The following EBF1 variants were observed in gnomAD, a reference collection of about 807,000 sequenced individuals.
EBF1 encodes transcription factor COE1.
A neutral mutation model predicts 68.4 loss-of-function variants in EBF1; 10 were observed. The ratio of observed to expected loss-of-function variants is 0.15; its 90% CI spans 0.09 to 0.25. The LOEUF (loss-of-function observed/expected upper bound fraction) is 0.25, where lower values mean the gene tolerates loss of function less well. EBF1 is among the 10% of genes least tolerant of loss of function. EBF1 has a pLI of 1.00. For synonymous variants in EBF1, 298 were observed against 299.8 expected, an observed-to-expected ratio of 0.99 and a Z score of 0.06; for missense variants, 509 against 794.4, an observed-to-expected ratio of 0.64 and a Z score of 4.32.
At chr5:158,969,919 A>AGAAAGAAAGAAAGAAAG (rs199980397) in intron 6 of EBF1, among the ~76,000 whole-genome samples, 1,322 of 60,164 alleles carry the variant, frequency 0.022, 49 homozygotes, top group Non-Finnish European at 0.033. Context: ...AAAGAAAGAA[A>AGAAAGAAAGAAAGAAAG]AAAAAAAAAA....
chr5:159,050,150 C>CTT (rs1437422836), intron 6 of EBF1, among the ~76,000 whole-genome samples: 1 of 118,526 alleles, frequency 8.4e-6, no homozygotes, highest in Non-Finnish European at 1.8e-5. Context: ...GTTCGTTTCT[C>CTT]TTTCTCTCTC....
chr5:158,807,652 AACTAAT>A (rs1781835386), intron 8 of EBF1, among the ~76,000 whole-genome samples: 1 of 152,126 alleles, frequency 6.6e-6, no homozygotes, highest in Admixed American at 6.6e-5. Flanking sequence ...GCAATCATTG[AACTAAT>A]ACTGTCACTG....
At chr5:158,827,245 A>G (rs1054335256) in intron 7 of EBF1, among the ~76,000 whole-genome samples, 1 of 152,196 alleles carries the variant, frequency 6.6e-6, no homozygotes, top group African/African-American at 2.4e-5. Flanking sequence ...AAGACCCAGC[A>G]TACACTGTAA....
At chr5:159,095,492 G>T in intron 4 of EBF1, 128 bp downstream of exon 4, 1 of 1,025,984 alleles carries the variant, frequency 9.7e-7, no homozygotes, top group Non-Finnish European at 1.4e-6. Flanking sequence ...GTGCAAGTTT[G>T]GTCTGAGCCG....
intron 6 of EBF1, among the ~76,000 whole-genome samples, chr5:158,910,581 T>C (rs781280612): frequency 2.0e-5 from 3 of 152,198 alleles, no homozygotes; most frequent in Non-Finnish European, 2.9e-5. Flanking sequence ...AAACTACATA[T>C]TTTATGTAGA....
intron 6 of EBF1, among the ~76,000 whole-genome samples, chr5:159,062,158 T>C (rs1452846214): frequency 6.6e-6 from 1 of 152,194 alleles, no homozygotes; most frequent in African/African-American, 2.4e-5. Context: ...AGCACATTGC[T>C]CTCATGAATG....
At chr5:158,726,846 G>A (rs534344425) in intron 11 of EBF1, among the ~76,000 whole-genome samples, 284 of 152,320 alleles carry the variant, frequency 1.9e-3, no homozygotes, top group African/African-American at 6.6e-3. Context: ...TAGTTTTCCC[G>A]CGTGCTAGCT....
At chr5:159,061,030 T>C (rs571376052) in intron 6 of EBF1, among the ~76,000 whole-genome samples, 2 of 152,100 alleles carry the variant, frequency 1.3e-5, no homozygotes, top group African/African-American at 4.8e-5. Flanking sequence ...TTGTAATCAC[T>C]GTAGGAAGAA....
At chr5:158,975,252 C>G (rs1756489685) in intron 6 of EBF1, among the ~76,000 whole-genome samples, 1 of 152,168 alleles carries the variant, frequency 6.6e-6, no homozygotes, top group African/African-American at 2.4e-5. Context: ...GTATCTCTTT[C>G]CATAGTCCTG....
chr5:158,908,346 T>C (rs1805127078), intron 6 of EBF1, among the ~76,000 whole-genome samples: 1 of 152,226 alleles, frequency 6.6e-6, no homozygotes, highest in African/African-American at 2.4e-5. Flanking sequence ...TCACAAAAGG[T>C]ATTGCCACAG....
chr5:159,020,610 T>C (rs912910014), intron 6 of EBF1, among the ~76,000 whole-genome samples: 1 of 152,228 alleles, frequency 6.6e-6, no homozygotes, highest in East Asian at 1.9e-4. Context: ...ACCTACTTTG[T>C]CTCTTCTTTA....
At chr5:158,829,427 T>C (rs1786982076) in intron 7 of EBF1, among the ~76,000 whole-genome samples, 1 of 151,690 alleles carries the variant, frequency 6.6e-6, no homozygotes, top group Non-Finnish European at 1.5e-5. Context: ...TCATGTGATC[T>C]ACCCATGTCA....
intron 7 of EBF1, among the ~76,000 whole-genome samples, chr5:158,837,546 G>A (rs1387915763): frequency 6.6e-6 from 1 of 152,156 alleles, no homozygotes; most frequent in African/African-American, 2.4e-5. Context: ...TATCTATGTT[G>A]TGCCTCCTCA....
At chr5:158,883,824 A>G (rs1389948676) in intron 6 of EBF1, among the ~76,000 whole-genome samples, 1 of 152,158 alleles carries the variant, frequency 6.6e-6, no homozygotes, top group Non-Finnish European at 1.5e-5. Context: ...GAACCAAGGA[A>G]GATACGAAGA....
At chr5:158,834,524 T>C (rs1387399964) in intron 7 of EBF1, among the ~76,000 whole-genome samples, 2 of 151,948 alleles carry the variant, frequency 1.3e-5, no homozygotes, top group African/African-American at 4.8e-5. Context: ...AAAAAAACAT[T>C]GTGCCAGATT....
chr5:158,796,579 A>G, intron 8 of EBF1, 104 bp from the exon 9 acceptor site: 1 of 1,354,454 alleles, frequency 7.4e-7, no homozygotes, highest in Non-Finnish European at 9.7e-7. Flanking sequence ...TTATCTTTTC[A>G]CTAACAGAAA....
At chr5:158,836,611 C>G (rs1231427325) in intron 7 of EBF1, among the ~76,000 whole-genome samples, 1 of 152,164 alleles carries the variant, frequency 6.6e-6, no homozygotes, top group African/African-American at 2.4e-5. Flanking sequence ...CATCCATCCT[C>G]TAATTACACA....
intron 7 of EBF1, among the ~76,000 whole-genome samples, chr5:158,831,496 C>CAG (rs1377074396): frequency 6.6e-6 from 1 of 151,912 alleles, no homozygotes; most frequent in Non-Finnish European, 1.5e-5. Flanking sequence ...TTACTGGGGA[C>CAG]AGAGAGAGAG....
intron 6 of EBF1, among the ~76,000 whole-genome samples, chr5:159,045,288 A>T (rs1371001651): frequency 6.6e-6 from 1 of 152,140 alleles, no homozygotes. Flanking sequence ...TCTCTTAGCC[A>T]AGCTGAGCTG....
Sources: gnomAD v4.1 joint callset for allele counts (sites outside exome capture counted in the v4.1 genomes callset) on GRCh38, gnomAD v4.1.1 for gene constraint, MANE v1.5 for transcripts, NCBI Gene and HGNC (gene_info 2026-07-23, HGNC 2026-07-21) for gene names.